The following DHRS11 variants were observed in gnomAD, a reference collection of about 807,000 sequenced individuals.
DHRS11 encodes dehydrogenase/reductase 11, also known as dehydrogenase/reductase SDR family member 11.
DHRS11 carries 18 observed loss-of-function variants against 30.7 expected under a neutral mutation model. The ratio of observed to expected loss-of-function variants is 0.59; its 90% CI spans 0.41 to 0.87. The LOEUF (loss-of-function observed/expected upper bound fraction) is 0.87. DHRS11 is among the 40% of genes least tolerant of loss of function. The probability of loss-of-function intolerance (pLI) is 0.00; values close to 1 mark genes in which losing one functional copy is unlikely to be tolerated. For synonymous variants in DHRS11, 123 were observed against 139.6 expected (o/e 0.88, Z 0.84); for missense variants, 300 against 349.0 (o/e 0.86, Z 1.12).
intron 1 of DHRS11, among the ~76,000 whole-genome samples, chr17:36,593,286 C>T (rs1247294358): frequency 6.6e-6 from 1 of 152,176 alleles, no homozygotes; most frequent in Non-Finnish European, 1.5e-5. Context: ...AGGGTGACTC[C>T]ATGTCTGAGA....
At chr17:36,595,325 CT>C (rs2074801567) in intron 2 of DHRS11, 145 bp downstream of exon 2, 1 of 739,186 alleles carries the variant, frequency 1.4e-6, no homozygotes, top group African/African-American at 1.8e-5. Flanking sequence ...TTGACTCTCT[CT>C]TGGCTTCTTG....
intron 2 of DHRS11, 163 bp from the exon 3 acceptor site, chr17:36,598,000 G>A (rs1293877733): frequency 7.1e-6 from 5 of 703,648 alleles, no homozygotes; most frequent in Admixed American, 2.4e-5. Context: ...GGGGCATCTC[G>A]TGTAGAAGAC....
rs1283820883 is a variant in DHRS11 at position 36,599,674 on chromosome 17, A to C, written c.586A>C (p.Ile196Leu). 1 of 1,614,198 alleles carries C rather than the reference A, an allele frequency of 6.2e-7. No homozygotes were observed. Among genetic ancestry groups the C allele is most frequent in the Non-Finnish European group, 8.5e-7 (1 of 1,180,026 alleles). The change falls in exon 5 of 7, where the codon ATC becomes CTC. Residue 196 changes from isoleucine (I) to leucine (L), a missense_variant. Coordinates refer to ENST00000618403, the MANE Select transcript of DHRS11 (RefSeq NM_024308.4). ...AAGGCCCTCTCTGTTGGCCCAGTGC[A>C]TCTCTCCAGGTGTGGTGGAGACACA... ...EAQTHIRATC[I>L]SPGVVETQFA...
rs1170106615 is a variant in DHRS11 at position 36,599,714 on chromosome 17, T to C, written c.626T>C (p.Leu209Pro). Residue 209 changes from leucine (L) to proline (P), a missense_variant, in exon 5 of 7, where the codon CTC becomes CCC. Transcript: ENST00000618403. The part of the protein sequence containing the change: ...GVVETQFAFK[L>P]HDKDPEKAAA... ...GTGGAGACACAATTCGCCTTCAAAC[T>C]CCACGACAAGGACCCTGAGAAGGCA... 1 of 1,614,088 alleles carries C rather than the reference T, an allele frequency of 6.2e-7. No homozygotes were observed. Among genetic ancestry groups the C allele is most frequent in the Admixed American group, 1.7e-5 (1 of 60,024 alleles).
intron 2 of DHRS11, 146 bp from the exon 3 acceptor site, chr17:36,598,017 C>T (rs2074824749): frequency 5.2e-6 from 4 of 775,774 alleles, no homozygotes; most frequent in South Asian, 4.3e-5. Context: ...AGACAAGATG[C>T]TCTGTGCCTG....
chr17:36,597,673 G>A, intron 2 of DHRS11: 1 of 188,250 alleles, frequency 5.3e-6, no homozygotes, highest in South Asian at 1.0e-4. Context: ...GAGGAAGGTA[G>A]GGAGAGGCTA....
In DHRS11 at chr17:36,600,046, G is replaced by A. The variant is rs1369993241; in HGVS notation, c.741+9G>A. The A allele has an allele frequency of 3.7e-6, 6 of 1,613,904 alleles. No homozygotes were observed. The highest frequency in any genetic ancestry group is 5.1e-6 in the Non-Finnish European group (6 of 1,179,910). On this transcript the variant is annotated intron_variant, in intron 6 of 6. Transcript: ENST00000618403. The stretch of plus-strand genomic sequence containing the variant: ...CCCCCGCACACATCCAGGTGAGTCT[G>A]GCCCTGACTGTCTACTCACTGGAGG...
At chr17:36,598,828 T>C in intron 3 of DHRS11, 93 bp from the exon 4 acceptor site, 1 of 1,498,152 alleles carries the variant, frequency 6.7e-7, no homozygotes, top group Non-Finnish European at 9.0e-7. Flanking sequence ...CCGATGGGCA[T>C]CTGGGTGGTG....
rs1354796722 is a variant in DHRS11, at chr17:36,595,087, C to T, written c.264C>T (p.His88=). The change falls in exon 2 of 7, where the codon CAC becomes CAT. Residue 88 remains histidine, a synonymous_variant. Transcript: ENST00000618403. ...LSMFSAIRSQ[H]SGVDICINNA... ...TGTTCTCAGCTATCCGTTCTCAGCA[C>T]AGCGGTGTAGACATCTGCATCAACA... 6.2e-7 allele frequency: 1 copy of T among 1,614,230 alleles called. No individual in the cohort carries two copies. The highest frequency in any genetic ancestry group is 1.3e-5 in the African/African-American group (1 of 75,050).
intron 4 of DHRS11, 76 bp from the exon 5 acceptor site, chr17:36,599,595 C>T: frequency 6.8e-7 from 1 of 1,472,804 alleles, no homozygotes; most frequent in Non-Finnish European, 9.5e-7. Flanking sequence ...GGTTCTGTGG[C>T]CTCCATCCTC....
At position 36,595,240 on chromosome 17, in the gene DHRS11, G is replaced by A. The variant is rs2074800801; in HGVS notation, c.357+60G>A. On this transcript the variant is annotated intron_variant, in intron 2 of 6. Coordinates refer to ENST00000618403, the MANE Select transcript of DHRS11 (RefSeq NM_024308.4). ...GGTGGGGAGGAGAGAGGGGAGCCAG[G>A]GGTTTGTGAACCAGAGTGCTGCTGG... is the stretch of plus-strand genomic sequence containing the variant. The A allele has an allele frequency of 1.1e-5, 17 of 1,595,470 alleles. 1 individual carries two copies. In the Middle Eastern group the frequency reaches 1.1e-3, roughly 105 times the overall value.
intron 3 of DHRS11, 193 bp from the exon 4 acceptor site, chr17:36,598,728 A>G: frequency 1.6e-6 from 1 of 643,086 alleles, no homozygotes; most frequent in Non-Finnish European, 2.6e-6. Context: ...GAGTTCCAGG[A>G]AAAGGAGGGT....
At position 36,592,574 on chromosome 17, in the gene DHRS11, A is replaced by C. The variant is rs368669681; in HGVS notation, c.147+418A>C. On this transcript the variant is annotated intron_variant, in intron 1 of 6. Coordinates refer to ENST00000618403, the MANE Select transcript of DHRS11 (RefSeq NM_024308.4). This position sits in a 1 kb window ranked among gnomAD's most constrained non-coding sequence, Gnocchi z 4.4. Reference sequence around the variant, plus strand: ...GGACTGAGGTTGGGGTTGGGGTGGGAGCTTTACTGAAGAGCCTCAGCCCCG... The same window carrying C: ...GGACTGAGGTTGGGGTTGGGGTGGGCGCTTTACTGAAGAGCCTCAGCCCCG... 4.7e-4 allele frequency among the ~76,000 whole-genome samples: 72 copies of C among 152,182 alleles called. No homozygotes were observed. The highest frequency in any genetic ancestry group is 2.4e-3 in the Admixed American group (36 of 15,302).
rs996061794 is a variant in DHRS11, at chr17:36,598,991, G to C, written c.523G>C (p.Ala175Pro). 6.2e-7 allele frequency: 1 copy of C among 1,613,436 alleles called. No homozygotes were observed. Among genetic ancestry groups the C allele is most frequent in the Non-Finnish European group, 8.5e-7 (1 of 1,180,006 alleles). Residue 175 changes from alanine (A) to proline (P), a missense_variant, in exon 4 of 7, where the codon GCG becomes CCG. Coordinates refer to ENST00000618403, the MANE Select transcript of DHRS11 (RefSeq NM_024308.4). ...FYSATKYAVT[A>P]LTEGLRQELR... ...TAGTGCCACCAAGTATGCCGTCACTGCGCTGACAGAGGGACTGAGGCAAGA... is the reference window on the plus strand; with the variant it reads ...TAGTGCCACCAAGTATGCCGTCACTCCGCTGACAGAGGGACTGAGGCAAGA...
chr17:36,596,657 A>T (rs1372082501), intron 2 of DHRS11: 22 of 381,896 alleles, frequency 5.8e-5, no homozygotes, highest in South Asian at 4.1e-4. Flanking sequence ...AGGGTTTTTA[A>T]AATGTTTTGA....
At chr17:36,593,787 GGCCTTCCTCTAGGGCACC>G (rs1448302293) in intron 1 of DHRS11, among the ~76,000 whole-genome samples, 12 of 151,588 alleles carry the variant, frequency 7.9e-5, no homozygotes, top group African/African-American at 2.9e-4. Context: ...TGGCCAAGCT[GGCCTTCCTCTAGGGCACC>G]GCACGCCCCT....
intron 1 of DHRS11, among the ~76,000 whole-genome samples, chr17:36,593,234 G>C (rs551876790): frequency 1.4e-4 from 22 of 152,282 alleles, no homozygotes; most frequent in African/African-American, 5.1e-4. Flanking sequence ...GGAAGGGGGG[G>C]CCTGAGCCCC....
rs944731293 is a variant in DHRS11, at chr17:36,591,942, G to T, written c.-68G>T. The T allele has an allele frequency of 8.2e-6, 10 of 1,216,428 alleles. No homozygotes were observed. In the African/African-American group the frequency reaches 1.3e-4, roughly 15 times the overall value. 75.4% of individuals were successfully genotyped at this position (1,216,428 alleles called of 1,614,324 possible). A position where few individuals can be genotyped will look rare whatever the true frequency, so the allele number is the denominator to read the frequency against. ...AGGTCGGCGGCGGCGGCAGGAGAGC[G>T]GCCGGGCGTCAGCTCCTCGACCCCC... On this transcript the variant is annotated 5_prime_UTR_variant, in exon 1 of 7. Coordinates refer to ENST00000618403, the MANE Select transcript of DHRS11 (RefSeq NM_024308.4).
rs2074853557 is a variant in DHRS11, at chr17:36,600,696, C to G, written c.*493C>G. 1 of 200,010 alleles carries G rather than the reference C, an allele frequency of 5.0e-6. No individual in the cohort carries two copies. Among genetic ancestry groups the G allele is most frequent in the African/African-American group, 2.4e-5 (1 of 42,468 alleles). 12.4% of individuals were successfully genotyped at this position (200,010 alleles called of 1,614,324 possible). ...CCCCAGCCCAGTCTTGGCTTCTTGT[C>G]CCCTCCTGGGGTCATCCCTCCACTC... On this transcript the variant is annotated 3_prime_UTR_variant, in exon 7 of 7. Transcript: ENST00000618403.
Sources: gnomAD v4.1 joint callset for allele counts (sites outside exome capture counted in the v4.1 genomes callset) on GRCh38, gnomAD v4.1.1 for gene constraint, Gnocchi (gnomAD v3.1) non-coding constraint, MANE v1.5 for transcripts, NCBI Gene and HGNC (gene_info 2026-07-23, HGNC 2026-07-21) for gene names.